Variants in SGK1 observed in about 807,000 individuals in gnomAD.
The protein encoded by SGK1 is serum/glucocorticoid regulated kinase 1.
In SGK1, 26 loss-of-function variants were observed where a neutral mutation model predicts 64.2. That is an observed-to-expected ratio of 0.40 (90% CI 0.30 to 0.56). The LOEUF is 0.56. Among genes scored for constraint, SGK1 ranks in the 20% least tolerant of loss-of-function variants. SGK1 has a pLI of 0.38. For missense variants in SGK1, 519 were observed against 645.6 expected (o/e 0.80, Z 2.12); for synonymous variants, 265 against 239.7 (o/e 1.11, Z -0.98).
At chr6:134,172,512 AC>A (rs1333017034) in intron 9 of SGK1, 149 bp downstream of exon 9, 2 of 778,874 alleles carry the variant, frequency 2.6e-6, no homozygotes, top group Non-Finnish European at 4.1e-6. Flanking sequence ...CCCCCTTGGC[AC>A]TTAAGTCAAG....
intron 2 of SGK1, among the ~76,000 whole-genome samples, chr6:134,215,754 C>T (rs191224111): frequency 6.9e-4 from 105 of 151,676 alleles, no homozygotes; most frequent in African/African-American, 2.3e-3. Flanking sequence ...TGGTGGCTCA[C>T]GCCTGTAATC....
intron 1 of SGK1, among the ~76,000 whole-genome samples, chr6:134,262,807 C>T (rs148354926): frequency 5.3e-5 from 8 of 151,976 alleles, no homozygotes; most frequent in African/African-American, 1.7e-4. Flanking sequence ...TTTGGGAGGC[C>T]AAGGCAGGAG....
chr6:134,282,593 C>T (rs1777111557), intron 1 of SGK1, among the ~76,000 whole-genome samples: 1 of 150,974 alleles, frequency 6.6e-6, no homozygotes, highest in South Asian at 2.1e-4. Flanking sequence ...GCGGAGGTTG[C>T]AGTGAGCTGA....
chr6:134,172,362 T>C, intron 9 of SGK1, 46 bp from the exon 10 acceptor site: 2 of 1,563,946 alleles, frequency 1.3e-6, no homozygotes, highest in Non-Finnish European at 1.8e-6. Context: ...TTAATTTCAC[T>C]TCATAAGATA....
At chr6:134,188,912 T>TTC (rs1562245008) in intron 3 of SGK1, among the ~76,000 whole-genome samples, 10 of 143,244 alleles carry the variant, frequency 7.0e-5, no homozygotes, top group Admixed American at 6.2e-4. Context: ...CTTTTTCTTT[T>TTC]TTTTTTTTTT....
chr6:134,253,286 T>A (rs1283958126), intron 2 of SGK1, among the ~76,000 whole-genome samples: 3 of 149,996 alleles, frequency 2.0e-5, no homozygotes, highest in Non-Finnish European at 3.0e-5. Flanking sequence ...GTTCGTCTTT[T>A]GTTTTTCTTT....
intron 1 of SGK1, among the ~76,000 whole-genome samples, chr6:134,264,292 T>C (rs935502663): frequency 6.6e-6 from 1 of 151,938 alleles, no homozygotes; most frequent in African/African-American, 2.4e-5. Context: ...GCTAATTTTT[T>C]GTATTTTTAG....
chr6:134,272,899 C>T (rs1398501979), intron 1 of SGK1, among the ~76,000 whole-genome samples: 2 of 148,248 alleles, frequency 1.3e-5, no homozygotes, highest in Non-Finnish European at 3.0e-5. Flanking sequence ...TGCATATACT[C>T]TGCAGCATTT....
intron 3 of SGK1, among the ~76,000 whole-genome samples, chr6:134,204,855 G>A (rs191193612): frequency 1.3e-5 from 2 of 151,966 alleles, no homozygotes; most frequent in East Asian, 1.9e-4. Flanking sequence ...CACCCAGCCC[G>A]TAACATAATT....
chr6:134,250,287 G>A (rs895366219), intron 2 of SGK1, among the ~76,000 whole-genome samples: 2 of 152,174 alleles, frequency 1.3e-5, no homozygotes, highest in South Asian at 4.1e-4. Context: ...TTATATCACT[G>A]TCTGCTACTC....
intron 2 of SGK1, among the ~76,000 whole-genome samples, chr6:134,212,163 C>T (rs1775902745): frequency 6.6e-6 from 1 of 151,804 alleles, no homozygotes; most frequent in African/African-American, 2.4e-5. Flanking sequence ...ACGCCATTCT[C>T]CTGCCTCAGC....
At position 134,174,505 on chromosome 6, in the gene SGK1, A is replaced by G. The variant is rs1775145596; in HGVS notation, c.437+6T>C. 6.2e-7 allele frequency: 1 copy of G among 1,607,374 alleles called. No homozygotes were observed. The highest frequency in any genetic ancestry group is 8.5e-7 in the Non-Finnish European group (1 of 1,173,874). On this transcript the variant is annotated splice_donor_region_variant and intron_variant, in intron 4 of 13. Transcript: ENST00000367858. ...TAGTTATTTCCTCAAATCCGGTCAA[A>G]CTTACTGTTTGCATGCATAGGAGTT...
chr6:134,300,420 C>A (rs568424577), intron 1 of SGK1, among the ~76,000 whole-genome samples: 1 of 151,202 alleles, frequency 6.6e-6, no homozygotes, highest in Non-Finnish European at 1.5e-5. Context: ...CGCCTGTAGT[C>A]CTAGCTACTC....
chr6:134,189,997 G>A (rs540712510), intron 3 of SGK1, among the ~76,000 whole-genome samples: 13 of 151,034 alleles, frequency 8.6e-5, no homozygotes, highest in East Asian at 4.0e-4. Flanking sequence ...TTACAAGCAC[G>A]CGCCACCATG....
chr6:134,258,010 A>C (rs1776710178), intron 2 of SGK1, among the ~76,000 whole-genome samples: 1 of 152,000 alleles, frequency 6.6e-6, no homozygotes, highest in African/African-American at 2.4e-5. Context: ...CCACCTTCTC[A>C]CCTTGCAACT....
chr6:134,265,471 A>G (rs988067775), intron 1 of SGK1, among the ~76,000 whole-genome samples: 3 of 149,534 alleles, frequency 2.0e-5, no homozygotes, highest in African/African-American at 7.3e-5. Context: ...CAAAAAACAA[A>G]CAAACAAACA....
intron 13 of SGK1, 121 bp downstream of exon 13, chr6:134,170,705 T>C: frequency 1.3e-6 from 1 of 768,900 alleles, no homozygotes; most frequent in South Asian, 1.8e-5. Context: ...GTAGGTAAAA[T>C]AACAGGTTTA....
At chr6:134,295,771 C>T (rs1014396412) in intron 1 of SGK1, among the ~76,000 whole-genome samples, 8 of 151,354 alleles carry the variant, frequency 5.3e-5, no homozygotes, top group Non-Finnish European at 8.8e-5. Context: ...TGCAGGAGGC[C>T]AGGAGCAGGA....
chr6:134,206,458 A>G (rs1287956981), intron 3 of SGK1, among the ~76,000 whole-genome samples: 1 of 144,204 alleles, frequency 6.9e-6, no homozygotes, highest in Non-Finnish European at 1.5e-5. Context: ...TGAAGGAGGC[A>G]TATCTCACAC....
Sources: allele counts gnomAD v4.1 joint callset (sites outside exome capture counted in the v4.1 genomes callset), GRCh38; gene constraint gnomAD v4.1.1; transcripts MANE v1.5; gene names NCBI Gene and HGNC (gene_info 2026-07-23, HGNC 2026-07-21).